BTBD9: variants seen among roughly 807,000 people sequenced by gnomAD.
The protein encoded by BTBD9 is BTB/POZ domain-containing protein 9.
A neutral mutation model predicts 64.3 loss-of-function variants in BTBD9; 49 were observed. The ratio of observed to expected loss-of-function variants is 0.76; its 90% CI spans 0.61 to 0.97. The LOEUF is 0.97. BTBD9 is among the 50% of genes least tolerant of loss of function. The pLI is 0.00. For synonymous variants in BTBD9, 260 were observed against 274.7 expected, an observed-to-expected ratio of 0.95 and a Z score of 0.53; for missense variants, 598 against 762.1, an observed-to-expected ratio of 0.78 and a Z score of 2.53.
intron 6 of BTBD9, among the ~76,000 whole-genome samples, chr6:38,440,197 C>T (rs142261529): frequency 6.6e-6 from 1 of 152,222 alleles, no homozygotes; most frequent in East Asian, 1.9e-4. Flanking sequence ...CAAATTTGAG[C>T]ATGCTTATGT....
chr6:38,427,182 TAAAAAA>T (rs10709700), intron 6 of BTBD9, among the ~76,000 whole-genome samples: 1 of 141,050 alleles, frequency 7.1e-6, no homozygotes, highest in Non-Finnish European at 1.5e-5. Flanking sequence ...TGAGGAGCTT[TAAAAAA>T]AAAAAAAAAG....
intron 6 of BTBD9, among the ~76,000 whole-genome samples, chr6:38,383,663 A>G (rs1413723700): frequency 2.0e-5 from 3 of 152,220 alleles, no homozygotes; most frequent in African/African-American, 7.2e-5. Flanking sequence ...AAGAAGACCA[A>G]AGTAAATGGA....
At chr6:38,455,449 C>A (rs931244043) in intron 6 of BTBD9, among the ~76,000 whole-genome samples, 2 of 152,202 alleles carry the variant, frequency 1.3e-5, no homozygotes, top group African/African-American at 2.4e-5. Context: ...GGATTACAGG[C>A]GTAAGCCACC....
chr6:38,395,374 C>T (rs1323748554), intron 6 of BTBD9, among the ~76,000 whole-genome samples: 1 of 152,034 alleles, frequency 6.6e-6, no homozygotes, highest in Non-Finnish European at 1.5e-5. Context: ...AGGTTAAAGG[C>T]TGCAATGAGC....
chr6:38,372,291 T>C (rs2127605861), intron 6 of BTBD9, among the ~76,000 whole-genome samples: 1 of 152,346 alleles, frequency 6.6e-6, no homozygotes, highest in Non-Finnish European at 1.5e-5. Context: ...TTTATTCTCT[T>C]GCCATGTGGA....
chr6:38,538,631 C>T (rs1035140943), intron 6 of BTBD9, among the ~76,000 whole-genome samples: 32 of 151,836 alleles, frequency 2.1e-4, no homozygotes, highest in Middle Eastern at 3.2e-3. Context: ...TACCTTCCCC[C>T]GCCCCCCAAA....
At chr6:38,266,354 C>G (rs1434049326) in intron 8 of BTBD9, among the ~76,000 whole-genome samples, 1 of 152,024 alleles carries the variant, frequency 6.6e-6, no homozygotes, top group Non-Finnish European at 1.5e-5. Context: ...GGGTGGATCA[C>G]CCGAGGTCAG....
At chr6:38,413,311 A>G (rs1302479246) in intron 6 of BTBD9, among the ~76,000 whole-genome samples, 1 of 152,188 alleles carries the variant, frequency 6.6e-6, no homozygotes, top group Non-Finnish European at 1.5e-5. Flanking sequence ...GCTTATACTC[A>G]CTGCAGTGAG....
intron 8 of BTBD9, among the ~76,000 whole-genome samples, chr6:38,259,607 T>C (rs1350224797): frequency 1.3e-5 from 2 of 152,174 alleles, no homozygotes; most frequent in Non-Finnish European, 2.9e-5. Flanking sequence ...TTTGTAGAGA[T>C]AGGGTCTCAC....
At chr6:38,217,167 AAATTAGCCAGGCCTG>A (rs1263636316) in intron 9 of BTBD9, among the ~76,000 whole-genome samples, 1 of 151,370 alleles carries the variant, frequency 6.6e-6, no homozygotes, top group African/African-American at 2.4e-5. Context: ...AAAAAAAAAA[AAATTAGCCAGGCCTG>A]GTGGCGGGTG....
At chr6:38,639,489 A>T (rs1778650242) in intron 1 of BTBD9, among the ~76,000 whole-genome samples, 1 of 152,066 alleles carries the variant, frequency 6.6e-6, no homozygotes, top group Non-Finnish European at 1.5e-5. Flanking sequence ...AGGATACGAG[A>T]CTGCTAGGGA....
intron 9 of BTBD9, among the ~76,000 whole-genome samples, chr6:38,222,518 CA>C (rs1763247148): frequency 6.6e-6 from 1 of 152,038 alleles, no homozygotes; most frequent in Admixed American, 6.6e-5. Context: ...CTTGGCCTCC[CA>C]AAGTGCTAGG....
intron 4 of BTBD9, chr6:38,587,842 T>C (rs1272688134): frequency 1.4e-6 from 1 of 718,404 alleles, no homozygotes; most frequent in Non-Finnish European, 2.7e-6. Context: ...TTTTGACCCT[T>C]TTAAAAAACC....
At chr6:38,491,618 TAGC>T (rs913395267) in intron 6 of BTBD9, among the ~76,000 whole-genome samples, 1 of 152,190 alleles carries the variant, frequency 6.6e-6, no homozygotes, top group African/African-American at 2.4e-5. Flanking sequence ...ATTTTAATCT[TAGC>T]AGTCAAACAC....
chr6:38,359,714 T>C (rs62397031), intron 6 of BTBD9, among the ~76,000 whole-genome samples: 5 of 151,774 alleles, frequency 3.3e-5, no homozygotes, highest in African/African-American at 9.7e-5. Context: ...GAAGGAAAGG[T>C]GGGGGAAAGT....
Position 38,288,436 on chromosome 6 carries a change from A to C in BTBD9, c.1290T>G (p.Ile430Met). 1 of 1,614,028 alleles carries C rather than the reference A, an allele frequency of 6.2e-7. No individual in the cohort carries two copies. The highest frequency in any genetic ancestry group is 1.1e-5 in the South Asian group (1 of 91,078). ...CTTCAATCACACTGGCACAATCAGC[A>C]ATTGTTGCAACATTCTCCATGGGAA... ...LIVPMENVATIADCASVIEGV... is the reference protein window; with the variant it reads ...LIVPMENVATMADCASVIEGV... Residue 430 changes from isoleucine (I) to methionine (M), a missense_variant, in exon 8 of 11, where the codon ATT becomes ATG. Transcript: ENST00000481247.
intron 6 of BTBD9, among the ~76,000 whole-genome samples, chr6:38,421,247 T>G (rs1767891276): frequency 6.6e-6 from 1 of 151,878 alleles, no homozygotes; most frequent in Non-Finnish European, 1.5e-5. Flanking sequence ...TCCCAGCTAT[T>G]AGGGAAGCTG....
intron 8 of BTBD9, among the ~76,000 whole-genome samples, chr6:38,263,437 C>G (rs554753763): frequency 1.3e-5 from 2 of 152,348 alleles, no homozygotes; most frequent in South Asian, 2.1e-4. Context: ...CTCTTTCCAG[C>G]ACAACCTCAA....
rs1167481653 is a variant in BTBD9, at chr6:38,184,959, G to A, written c.1641+7560C>T. Among the ~76,000 whole-genome samples, 1 of 152,186 alleles carries A rather than the reference G, an allele frequency of 6.6e-6. No homozygotes were observed. ...AGGGCAGCTCAAGTAGCCACTTGCA[G>A]ACTTTCTGTCCTGCTGCTGTCGGCC... On this transcript the variant is annotated intron_variant, in intron 10 of 10. Coordinates refer to ENST00000481247, the MANE Select transcript of BTBD9 (RefSeq NM_001099272.2). The surrounding 1 kb of genome is among the most constrained non-coding windows in gnomAD (Gnocchi z 4.4).
Sources: allele counts gnomAD v4.1 joint callset (sites outside exome capture counted in the v4.1 genomes callset), GRCh38; gene constraint gnomAD v4.1.1; non-coding constraint Gnocchi (gnomAD v3.1); transcripts MANE v1.5; gene names NCBI Gene and HGNC (gene_info 2026-07-23, HGNC 2026-07-21).